Variants in LRRC4C observed in about 807,000 individuals in gnomAD.
LRRC4C encodes leucine rich repeat containing 4C, also known as leucine-rich repeat-containing protein 4C.
A neutral mutation model predicts 33.6 loss-of-function variants in LRRC4C; 5 were observed. The ratio of observed to expected loss-of-function variants is 0.15; its 90% confidence interval spans 0.08 to 0.31. The LOEUF is 0.31. Among genes scored for constraint, LRRC4C ranks in the 10% least tolerant of loss-of-function variants. The probability of loss-of-function intolerance (pLI) is 1.00; values close to 1 mark genes in which losing one functional copy is unlikely to be tolerated. For missense variants in LRRC4C, 560 were observed against 796.7 expected, an observed-to-expected ratio of 0.70 and a Z score of 3.58; for synonymous variants, 329 against 302.0, an observed-to-expected ratio of 1.09 and a Z score of -0.93.
At chr11:40,668,229 TATC>T (rs1943917947) in intron 2 of LRRC4C, among the ~76,000 whole-genome samples, 1 of 152,214 alleles carries the variant, frequency 6.6e-6, no homozygotes, top group Non-Finnish European at 1.5e-5. Flanking sequence ...AGGTACATCT[TATC>T]ATTTTCTTGT....
At chr11:40,511,463 T>C (rs1955311762) in intron 3 of LRRC4C, among the ~76,000 whole-genome samples, 1 of 152,206 alleles carries the variant, frequency 6.6e-6, no homozygotes, top group Non-Finnish European at 1.5e-5. Context: ...AAAATTGCTA[T>C]GGACCAGTGC....
intron 3 of LRRC4C, among the ~76,000 whole-genome samples, chr11:40,430,646 C>A (rs1170115544): frequency 5.3e-5 from 8 of 152,008 alleles, no homozygotes; most frequent in African/African-American, 1.9e-4. Context: ...TTTCTTTATA[C>A]CTTTCTTCTA....
At chr11:40,432,189 AT>A (rs34749380) in intron 3 of LRRC4C, among the ~76,000 whole-genome samples, 56,797 of 150,638 alleles carry the variant, frequency 0.38, 11,309 homozygotes, top group East Asian at 0.53. Flanking sequence ...TGTGCCATGC[AT>A]TTTTTTTTTC....
At chr11:41,075,221 C>T (rs1453198772) in intron 1 of LRRC4C, among the ~76,000 whole-genome samples, 9 of 151,856 alleles carry the variant, frequency 5.9e-5, no homozygotes, top group Non-Finnish European at 1.2e-4. Context: ...CTGAGTTCCT[C>T]CTTGAGAGAA....
At chr11:40,690,641 A>C (rs1407857738) in intron 2 of LRRC4C, among the ~76,000 whole-genome samples, 2 of 152,104 alleles carry the variant, frequency 1.3e-5, no homozygotes, top group Non-Finnish European at 2.9e-5. Flanking sequence ...TCAGTTTAAA[A>C]AACCTCTACA....
At chr11:41,057,101 G>A (rs898273201) in intron 1 of LRRC4C, among the ~76,000 whole-genome samples, 12 of 152,186 alleles carry the variant, frequency 7.9e-5, no homozygotes, top group Non-Finnish European at 1.8e-4. Context: ...AGGCATCTCT[G>A]TACTCTCAGG....
At chr11:41,204,519 C>T (rs1946521502) in intron 1 of LRRC4C, among the ~76,000 whole-genome samples, 1 of 149,664 alleles carries the variant, frequency 6.7e-6, no homozygotes, top group Non-Finnish European at 1.5e-5. Context: ...CTGCTTTTTT[C>T]CTATGGGAAA....
At chr11:40,891,764 A>T (rs1344491798) in intron 2 of LRRC4C, among the ~76,000 whole-genome samples, 2 of 152,194 alleles carry the variant, frequency 1.3e-5, no homozygotes, top group Non-Finnish European at 2.9e-5. Context: ...ATAGTGGTGA[A>T]TATGTGGAGA....
At chr11:40,600,737 G>C (rs573474165) in intron 3 of LRRC4C, among the ~76,000 whole-genome samples, 27 of 152,240 alleles carry the variant, frequency 1.8e-4, no homozygotes, top group Non-Finnish European at 3.7e-4. Context: ...TTAGAATTTT[G>C]GCAGTCTAGA....
chr11:41,095,812 G>A (rs1442484781), intron 1 of LRRC4C, among the ~76,000 whole-genome samples: 3 of 152,180 alleles, frequency 2.0e-5, no homozygotes, highest in Admixed American at 2.0e-4. Flanking sequence ...TAACGGTGGT[G>A]TTTTGATTTC....
At chr11:41,102,171 C>A (rs1224740649) in intron 1 of LRRC4C, among the ~76,000 whole-genome samples, 2 of 151,944 alleles carry the variant, frequency 1.3e-5, no homozygotes, top group African/African-American at 4.8e-5. Flanking sequence ...TATTACTCTG[C>A]ACACTTGCTT....
intron 1 of LRRC4C, among the ~76,000 whole-genome samples, chr11:41,147,778 A>G (rs921578180): frequency 6.6e-6 from 1 of 152,196 alleles, no homozygotes; most frequent in African/African-American, 2.4e-5. Context: ...GCAGATAGCA[A>G]ATAAAGCCAT....
chr11:40,345,637 C>T lies in LRRC4C; in HGVS notation c.-269-25916G>A, dbSNP rs183159441. Among the ~76,000 whole-genome samples the T allele has an allele frequency of 6.4e-4, 97 of 152,080 alleles. 1 individual carries two copies. The East Asian group carries it at 0.017, about 27-fold the overall frequency. On this transcript the variant is annotated intron_variant, in intron 3 of 6. Coordinates refer to ENST00000528697, the MANE Select transcript of LRRC4C (RefSeq NM_001258419.2). ...GAATTACCATTCTGGATGTAGGACC[C>T]GGCAAAAATTTCATGATGAGGATGC...
intron 1 of LRRC4C, among the ~76,000 whole-genome samples, chr11:41,252,862 A>G (rs1042054119): frequency 1.3e-4 from 20 of 152,106 alleles, no homozygotes; most frequent in Non-Finnish European, 2.6e-4. Context: ...ATCAGATCTC[A>G]TGAGACTTAT....
intron 3 of LRRC4C, among the ~76,000 whole-genome samples, chr11:40,512,156 G>A (rs1037772624): frequency 3.3e-5 from 5 of 152,036 alleles, no homozygotes; most frequent in Non-Finnish European, 5.9e-5. Context: ...TTTTTATTAT[G>A]CATCTTATTT....
At chr11:40,418,319 C>G (rs905646995) in intron 3 of LRRC4C, among the ~76,000 whole-genome samples, 3 of 152,002 alleles carry the variant, frequency 2.0e-5, no homozygotes, top group Non-Finnish European at 2.9e-5. Context: ...AGACACTTCT[C>G]AAAAGAAGAC....
At chr11:41,030,073 A>G (rs1296279078) in intron 1 of LRRC4C, among the ~76,000 whole-genome samples, 1 of 151,876 alleles carries the variant, frequency 6.6e-6, no homozygotes, top group African/African-American at 2.4e-5. Flanking sequence ...TGGTATGTAC[A>G]TTTTGCAATT....
chr11:40,464,161 G>A (rs1464711446), intron 3 of LRRC4C, among the ~76,000 whole-genome samples: 6 of 151,926 alleles, frequency 3.9e-5, no homozygotes, highest in South Asian at 2.1e-4. Flanking sequence ...TTTATTGCAC[G>A]GATGCAATGG....
intron 2 of LRRC4C, among the ~76,000 whole-genome samples, chr11:40,794,628 C>A (rs1018614749): frequency 6.6e-6 from 1 of 152,102 alleles, no homozygotes; most frequent in Non-Finnish European, 1.5e-5. Context: ...TTCTATCCTG[C>A]AAGTGTTGGA....
Sources: gnomAD v4.1 joint callset for allele counts (sites outside exome capture counted in the v4.1 genomes callset) on GRCh38, gnomAD v4.1.1 for gene constraint, MANE v1.5 for transcripts, NCBI Gene and HGNC (gene_info 2026-07-23, HGNC 2026-07-21) for gene names.